The following DUSP22 variants were observed in gnomAD, a reference collection of about 807,000 sequenced individuals.
The protein encoded by DUSP22 is dual specificity protein phosphatase 22.
DUSP22 carries 24 observed loss-of-function variants against 24.5 expected under a neutral mutation model. That is an observed-to-expected ratio of 0.98 (90% confidence interval 0.71 to 1.38). The LOEUF (loss-of-function observed/expected upper bound fraction) is 1.38. Ranked by LOEUF, DUSP22 falls within the 40% of genes most tolerant of loss-of-function variation. The pLI, the probability that DUSP22 is intolerant of heterozygous loss-of-function variation, is 0.00. For missense variants in DUSP22, 330 were observed against 269.2 expected, an observed-to-expected ratio of 1.23 and a Z score of -1.58; for synonymous variants, 160 against 106.4, an observed-to-expected ratio of 1.50 and a Z score of -3.10.
chr6:323,812 C>T (rs375003567), intron 3 of DUSP22, among the ~76,000 whole-genome samples: 814 of 152,122 alleles, frequency 5.4e-3, no homozygotes, highest in African/African-American at 0.018. Flanking sequence ...AGAGCCTCGC[C>T]GGGGTAGAAT....
chr6:305,371 G>C (rs1216831989), intron 2 of DUSP22, among the ~76,000 whole-genome samples: 3 of 152,304 alleles, frequency 2.0e-5, no homozygotes, highest in Non-Finnish European at 4.4e-5. Context: ...AAAGGTGTTG[G>C]ACAACAGGCA....
At position 324,709 on chromosome 6, in the gene DUSP22, T is replaced by C. The variant is rs543012562; in HGVS notation, c.139-10405T>C. Among the ~76,000 whole-genome samples the C allele has an allele frequency of 5.9e-4, 90 of 152,388 alleles. No homozygotes were observed. The East Asian group carries it at 0.015, about 25-fold the overall frequency. On this transcript the variant is annotated intron_variant, in intron 3 of 6. Transcript: ENST00000419235. ...TCTCAAAACAGCTTCTAGAGTATGA[T>C]CCCAGAGGGAGGATGTGGTGTTCGG... is the stretch of plus-strand genomic sequence containing the variant.
At chr6:338,815 G>A (rs1304127126) in intron 4 of DUSP22, among the ~76,000 whole-genome samples, 2 of 152,304 alleles carry the variant, frequency 1.3e-5, no homozygotes, top group South Asian at 2.1e-4. Context: ...ATCCCTGCAC[G>A]AACAGGAATT....
chr6:306,202 T>C (rs1322201416), intron 2 of DUSP22, among the ~76,000 whole-genome samples: 1 of 152,310 alleles, frequency 6.6e-6, no homozygotes, highest in Admixed American at 6.5e-5. Context: ...GGAAAGGGAG[T>C]GTCTTTGAGA....
At chr6:321,183 G>A (rs1758570964) in intron 3 of DUSP22, among the ~76,000 whole-genome samples, 1 of 152,304 alleles carries the variant, frequency 6.6e-6, no homozygotes, top group Non-Finnish European at 1.5e-5. Context: ...AGCTGTGTGT[G>A]CAGAGGTACA....
intron 2 of DUSP22, among the ~76,000 whole-genome samples, chr6:310,903 A>G (rs755505980): frequency 3.7e-4 from 57 of 152,396 alleles, no homozygotes; most frequent in African/African-American, 1.4e-3. Flanking sequence ...GTGCATTTCA[A>G]TTTCTAGATT....
At chr6:331,245 G>C (rs1239687305) in intron 3 of DUSP22, among the ~76,000 whole-genome samples, 1 of 152,308 alleles carries the variant, frequency 6.6e-6, no homozygotes, top group Non-Finnish European at 1.5e-5. Context: ...GGAAAGTGCT[G>C]AATTCTTATT....
chr6:331,213 A>G (rs1759125662), intron 3 of DUSP22, among the ~76,000 whole-genome samples: 2 of 152,306 alleles, frequency 1.3e-5, no homozygotes, highest in African/African-American at 4.8e-5. Context: ...CTTTCCACCA[A>G]TCCACTGTTT....
intron 1 of DUSP22, among the ~76,000 whole-genome samples, chr6:301,590 A>G (rs1360284280): frequency 6.6e-6 from 1 of 152,310 alleles, no homozygotes; most frequent in Non-Finnish European, 1.5e-5. Context: ...TTCAGTGTTT[A>G]CTACTGTAAC....
At position 350,060 on chromosome 6, in the gene DUSP22, A is replaced by G. The variant is rs1184395512; in HGVS notation, c.*1109A>G. 1.0e-6 allele frequency: 1 copy of G among 985,670 alleles called. No individual in the cohort carries two copies. Among genetic ancestry groups the G allele is most frequent in the African/African-American group, 1.7e-5 (1 of 57,396 alleles). 61.1% of individuals were successfully genotyped at this position (985,670 alleles called of 1,614,324 possible). ...CTGAGCATTTATTAAGCTTCTTGGT[A>G]TTCACTTGGGTTTGATAATTGATCT... On this transcript the variant is annotated 3_prime_UTR_variant, in exon 7 of 7. Transcript: ENST00000419235.
chr6:349,797 T>C lies in DUSP22; in HGVS notation c.*846T>C. ...CAGCCCATCGAGCCCTGAGTTCTACTTGGTGTTTGTTCTCTGGAGCTGATT... is the reference window on the plus strand; with the variant it reads ...CAGCCCATCGAGCCCTGAGTTCTACCTGGTGTTTGTTCTCTGGAGCTGATT... On this transcript the variant is annotated 3_prime_UTR_variant, in exon 7 of 7. Coordinates refer to ENST00000419235, the MANE Select transcript of DUSP22 (RefSeq NM_001286555.3). The C allele has an allele frequency of 1.0e-6, 1 of 985,976 alleles. No individual in the cohort carries two copies. The highest frequency in any genetic ancestry group is 1.2e-6 in the Non-Finnish European group (1 of 830,274). 61.1% of individuals were successfully genotyped at this position (985,976 alleles called of 1,614,324 possible). A position where few individuals can be genotyped will look rare whatever the true frequency, so the allele number is the denominator to read the frequency against.
chr6:348,068 C>T (rs1440199659), intron 5 of DUSP22, 35 bp from the exon 6 acceptor site: 1 of 1,610,784 alleles, frequency 6.2e-7, no homozygotes, highest in Non-Finnish European at 8.5e-7. Flanking sequence ...AGATCTGAAA[C>T]TGCCCTCACA....
Position 348,258 on chromosome 6 carries a change from A to C in DUSP22, c.419A>C (p.Lys140Thr). 1 of 1,614,302 alleles carries C rather than the reference A, an allele frequency of 6.2e-7. No individual in the cohort carries two copies. The highest frequency in any genetic ancestry group is 8.5e-7 in the Non-Finnish European group (1 of 1,180,054). ...GFQRQLQEFEKHEVHQYRQWL... is the reference protein window; with the variant it reads ...GFQRQLQEFETHEVHQYRQWL... ...CAGAGACAGCTCCAGGAGTTTGAGAAGCATGAGGTCCATCAGGTAAGCAGT... is the reference window on the plus strand; with the variant it reads ...CAGAGACAGCTCCAGGAGTTTGAGACGCATGAGGTCCATCAGGTAAGCAGT... Residue 140 changes from lysine (K) to threonine (T), a missense_variant, in exon 6 of 7, where the codon AAG (lysine) becomes ACG (threonine). Transcript: ENST00000419235.
At chr6:308,189 C>T (rs1757909080) in intron 2 of DUSP22, among the ~76,000 whole-genome samples, 1 of 151,658 alleles carries the variant, frequency 6.6e-6, no homozygotes, top group Non-Finnish European at 1.5e-5. Flanking sequence ...TGGAGGACCC[C>T]ATGTTGAGCA....
chr6:348,830 A>C lies in DUSP22; in HGVS notation c.497A>C (p.Lys166Thr), dbSNP rs771934158. The C allele has an allele frequency of 1.2e-6, 2 of 1,614,314 alleles. No homozygotes were observed. The highest frequency in any genetic ancestry group is 1.7e-6 in the Non-Finnish European group (2 of 1,180,062). ...ESPLQDAEEA[K>T]NILGKYKEQG... ...CCTTTGCAGGATGCAGAAGAAGCCA[A>C]AAACATTCTGGGTAAATATAAGGAG... The change falls in exon 7 of 7, where the codon AAA (lysine) becomes ACA (threonine). Residue 166 changes from lysine to threonine, a missense_variant. By Grantham distance (78) the Lys-to-Thr change is moderately conservative. Transcript: ENST00000419235.
chr6:347,976 C>T (rs1759961302), intron 5 of DUSP22, 127 bp from the exon 6 acceptor site: 1 of 1,401,214 alleles, frequency 7.1e-7, no homozygotes, highest in Non-Finnish European at 9.8e-7. Context: ...GCTTGCTGTC[C>T]ACATATAATC....
chr6:299,635 G>A (rs28733559), intron 1 of DUSP22, among the ~76,000 whole-genome samples: 5,208 of 150,452 alleles, frequency 0.035, no homozygotes, highest in African/African-American at 0.11. Context: ...GAAGTTAAAG[G>A]TTGACTGACA....
At chr6:307,413 CT>C (rs1486814844) in intron 2 of DUSP22, among the ~76,000 whole-genome samples, 14 of 152,418 alleles carry the variant, frequency 9.2e-5, no homozygotes, top group South Asian at 2.1e-4. Context: ...GAAAAAAAAG[CT>C]TTGTAATGAA....
At chr6:335,059 C>T (rs1362253562) in intron 3 of DUSP22, 55 bp from the exon 4 acceptor site, 3 of 1,575,832 alleles carry the variant, frequency 1.9e-6, no homozygotes, top group Admixed American at 1.7e-5. Context: ...AAATACTTTT[C>T]TCCACTGAGT....
Sources: gnomAD v4.1 joint callset for allele counts (sites outside exome capture counted in the v4.1 genomes callset) on GRCh38, gnomAD v4.1.1 for gene constraint, MANE v1.5 for transcripts, NCBI Gene and HGNC (gene_info 2026-07-23, HGNC 2026-07-21) for gene names.